The following PTPRD variants were observed in gnomAD, a reference collection of about 807,000 sequenced individuals.
PTPRD encodes the protein protein tyrosine phosphatase receptor type D.
A neutral mutation model predicts 214.5 loss-of-function variants in PTPRD; 34 were observed. The observed-to-expected ratio is 0.16, with a 90% CI of 0.12 to 0.21. The LOEUF is 0.21. Ranked by LOEUF, PTPRD falls within the 10% of genes least tolerant of loss-of-function variation. The probability of loss-of-function intolerance (pLI) is 1.00; values close to 1 mark genes in which losing one functional copy is unlikely to be tolerated. For missense variants in PTPRD, 2,545 were observed against 2,398.7 expected, an observed-to-expected ratio of 1.06 and a Z score of -1.27; for synonymous variants, 1,128 against 845.7, an observed-to-expected ratio of 1.33 and a Z score of -5.79.
intron 10 of PTPRD, among the ~76,000 whole-genome samples, chr9:9,111,252 CTTT>C (rs35720054): frequency 2.2e-4 from 29 of 132,806 alleles, no homozygotes; most frequent in African/African-American, 7.6e-4. Flanking sequence ...GTGGAAATAC[CTTT>C]TTTTTTTTTT....
chr9:10,288,815 T>TA (rs1397510658), intron 3 of PTPRD, among the ~76,000 whole-genome samples: 2 of 152,070 alleles, frequency 1.3e-5, no homozygotes, highest in African/African-American at 4.8e-5. Flanking sequence ...AAAACTTTTT[T>TA]TCTGCTTTTT....
intron 2 of PTPRD, among the ~76,000 whole-genome samples, chr9:10,396,838 G>T (rs1259840383): frequency 2.0e-5 from 3 of 151,958 alleles, no homozygotes; most frequent in Non-Finnish European, 2.9e-5. Context: ...TTGGCCCAGT[G>T]GGGAGGCAGG....
intron 14 of PTPRD, among the ~76,000 whole-genome samples, chr9:8,548,166 G>A (rs2080828533): frequency 6.6e-6 from 1 of 152,118 alleles, no homozygotes; most frequent in Admixed American, 6.5e-5. Context: ...ATAATCTAAG[G>A]TCCAGGAAAG....
chr9:10,443,325 G>A (rs1211562848), intron 2 of PTPRD, among the ~76,000 whole-genome samples: 3 of 151,602 alleles, frequency 2.0e-5, no homozygotes, highest in African/African-American at 4.8e-5. Flanking sequence ...GGTTTATGGT[G>A]AGCCGCTACA....
At chr9:9,451,517 C>T (rs182476624) in intron 8 of PTPRD, among the ~76,000 whole-genome samples, 3 of 151,662 alleles carry the variant, frequency 2.0e-5, no homozygotes, top group African/African-American at 2.4e-5. Flanking sequence ...TTCAATATAG[C>T]CTCAAATGGT....
chr9:9,833,684 G>GGC (rs2055764471), intron 5 of PTPRD, among the ~76,000 whole-genome samples: 1 of 144,876 alleles, frequency 6.9e-6, no homozygotes, highest in African/African-American at 2.6e-5. Context: ...GCTCCGGAGA[G>GGC]GGGGGCAGTT....
intron 5 of PTPRD, among the ~76,000 whole-genome samples, chr9:9,937,260 A>T (rs891203100): frequency 2.0e-5 from 3 of 151,520 alleles, no homozygotes; most frequent in Non-Finnish European, 4.4e-5. Flanking sequence ...AATAAAAAAT[A>T]AATTACTATA....
chr9:9,602,683 G>A (rs1204495154), intron 7 of PTPRD, among the ~76,000 whole-genome samples: 1 of 151,876 alleles, frequency 6.6e-6, no homozygotes, highest in Non-Finnish European at 1.5e-5. Flanking sequence ...TTGTGATGGA[G>A]TCATATTTCA....
At chr9:9,788,735 G>T (rs2098945291) in intron 5 of PTPRD, among the ~76,000 whole-genome samples, 3 of 151,904 alleles carry the variant, frequency 2.0e-5, no homozygotes, top group Non-Finnish European at 4.4e-5. Flanking sequence ...GCTCCAGGTG[G>T]TTATAACATT....
chr9:10,297,583 T>G (rs1328580812), intron 3 of PTPRD, among the ~76,000 whole-genome samples: 35 of 100,838 alleles, frequency 3.5e-4, no homozygotes, highest in African/African-American at 1.9e-3. Context: ...GAGTTGTGTT[T>G]TTTTTTTTTT....
chr9:10,050,156 C>G (rs114616421), intron 3 of PTPRD, among the ~76,000 whole-genome samples: 245 of 152,028 alleles, frequency 1.6e-3, no homozygotes, highest in African/African-American at 5.6e-3. Context: ...TGAGCAGATC[C>G]CCAAGAATGA....
At chr9:8,359,691 G>C (rs188003342) in intron 39 of PTPRD, among the ~76,000 whole-genome samples, 46 of 152,200 alleles carry the variant, frequency 3.0e-4, no homozygotes, top group Middle Eastern at 3.4e-3. Flanking sequence ...AAGTTTCTGA[G>C]CCACCCATCA....
At chr9:8,877,472 C>T (rs947896681) in intron 11 of PTPRD, among the ~76,000 whole-genome samples, 1 of 152,078 alleles carries the variant, frequency 6.6e-6, no homozygotes, top group African/African-American at 2.4e-5. Flanking sequence ...TGAAGGAATT[C>T]AGAGCAATAA....
intron 35 of PTPRD, among the ~76,000 whole-genome samples, chr9:8,417,611 T>C (rs899877076): frequency 2.0e-5 from 3 of 152,116 alleles, no homozygotes; most frequent in South Asian, 2.1e-4. Context: ...CTTAACTACA[T>C]AACCATAGTT....
chr9:10,050,099 C>T (rs117884865), intron 3 of PTPRD, among the ~76,000 whole-genome samples: 318 of 152,086 alleles, frequency 2.1e-3, no homozygotes, highest in Middle Eastern at 3.4e-3. Flanking sequence ...AAATATCTGT[C>T]GAATTAAAGG....
chr9:10,363,738 A>G (rs1021969746), intron 2 of PTPRD, among the ~76,000 whole-genome samples: 1 of 152,178 alleles, frequency 6.6e-6, no homozygotes, highest in African/African-American at 2.4e-5. Context: ...CATTGTCCAA[A>G]TAAACCAATA....
chr9:9,741,224 A>C (rs1208745208), intron 6 of PTPRD, among the ~76,000 whole-genome samples: 2 of 152,116 alleles, frequency 1.3e-5, no homozygotes, highest in Non-Finnish European at 2.9e-5. Context: ...GGCTCAGGAG[A>C]ATTTTACAAA....
intron 3 of PTPRD, among the ~76,000 whole-genome samples, chr9:10,064,462 A>G (rs1250806329): frequency 3.3e-5 from 5 of 151,978 alleles, no homozygotes; most frequent in Non-Finnish European, 4.4e-5. Context: ...AAATATATTT[A>G]TCTCTGATAT....
intron 7 of PTPRD, among the ~76,000 whole-genome samples, chr9:9,629,352 A>C (rs956618740): frequency 1.3e-5 from 2 of 151,612 alleles, no homozygotes; most frequent in Non-Finnish European, 2.9e-5. Flanking sequence ...TCACTATGAT[A>C]AACCACCTAA....
Sources: gnomAD v4.1 joint callset for allele counts (sites outside exome capture counted in the v4.1 genomes callset) on GRCh38, gnomAD v4.1.1 for gene constraint, MANE v1.5 for transcripts, NCBI Gene and HGNC (gene_info 2026-07-23, HGNC 2026-07-21) for gene names.